Variants in SAP30BP observed in about 807,000 individuals in gnomAD.
SAP30BP encodes SAP30 binding protein, also known as SAP30-binding protein.
SAP30BP carries 31 observed loss-of-function variants against 46.3 expected under a neutral mutation model. The observed-to-expected ratio is 0.67, with a 90% CI of 0.50 to 0.90. The LOEUF (loss-of-function observed/expected upper bound fraction) is 0.90. Ranked by LOEUF, SAP30BP falls within the 40% of genes least tolerant of loss-of-function variation. The pLI, the probability that SAP30BP is intolerant of heterozygous loss-of-function variation, is 0.00. For synonymous variants in SAP30BP, 169 were observed against 144.2 expected (o/e 1.17, Z -1.23); for missense variants, 312 against 391.0 (o/e 0.80, Z 1.70).
At chr17:75,687,225 C>T (rs1200911414) in intron 3 of SAP30BP, among the ~76,000 whole-genome samples, 3 of 152,178 alleles carry the variant, frequency 2.0e-5, no homozygotes, top group Non-Finnish European at 4.4e-5. Flanking sequence ...GTGTATAAAT[C>T]ATGCTCAATA....
intron 8 of SAP30BP, 141 bp downstream of exon 8, chr17:75,704,000 G>T: frequency 1.4e-6 from 1 of 713,148 alleles, no homozygotes; most frequent in Non-Finnish European, 2.5e-6. Flanking sequence ...GTACAGGCCT[G>T]AATGAGACAG....
At chr17:75,677,022 G>A (rs956874564) in intron 3 of SAP30BP, among the ~76,000 whole-genome samples, 3 of 151,168 alleles carry the variant, frequency 2.0e-5, no homozygotes, top group African/African-American at 4.9e-5. Flanking sequence ...TGCCTCTCAT[G>A]TCATTGCCCA....
At chr17:75,700,597 A>T (rs1254855807) in intron 5 of SAP30BP, among the ~76,000 whole-genome samples, 1 of 152,158 alleles carries the variant, frequency 6.6e-6, no homozygotes, top group East Asian at 1.9e-4. Flanking sequence ...TAACGGATGG[A>T]TGACTAATGG....
intron 3 of SAP30BP, among the ~76,000 whole-genome samples, chr17:75,682,463 G>A (rs2060091629): frequency 6.6e-6 from 1 of 152,198 alleles, no homozygotes; most frequent in African/African-American, 2.4e-5. Flanking sequence ...GGGATTACAA[G>A]CGTGAGCTGG....
At chr17:75,676,757 A>C (rs2059996065) in intron 3 of SAP30BP, among the ~76,000 whole-genome samples, 1 of 152,240 alleles carries the variant, frequency 6.6e-6, no homozygotes, top group African/African-American at 2.4e-5. Context: ...GAGAGAGTTC[A>C]CATTCGCATA....
At chr17:75,689,892 T>C (rs986225498) in intron 3 of SAP30BP, among the ~76,000 whole-genome samples, 3 of 152,222 alleles carry the variant, frequency 2.0e-5, no homozygotes, top group Non-Finnish European at 4.4e-5. Context: ...AATCGAGCCT[T>C]TCTTCCGTCT....
At chr17:75,702,634 G>C in intron 6 of SAP30BP, 63 bp downstream of exon 6, 1 of 767,600 alleles carries the variant, frequency 1.3e-6, no homozygotes. Context: ...GGACTAAGAC[G>C]TCCCCAAGGA....
rs979533728 is a variant in SAP30BP, at chr17:75,706,761, C to G, written c.*240C>G. 44 of 549,752 alleles carry G rather than the reference C, an allele frequency of 8.0e-5. No individual in the cohort carries two copies. In the African/African-American group the frequency reaches 8.3e-4, roughly 10 times the overall value. 34.1% of individuals were successfully genotyped at this position (549,752 alleles called of 1,614,324 possible). ...TATTAAAAGTGCCGTATTCTTACCT[C>G]TTGGCATCTCAGATGCACTGGCCTC... On this transcript the variant is annotated 3_prime_UTR_variant, in exon 11 of 11. Transcript: ENST00000584667. The surrounding 1 kb of genome is among the most constrained non-coding windows in gnomAD (Gnocchi z 4.6).
chr17:75,700,590 C>T (rs553046802), intron 5 of SAP30BP, among the ~76,000 whole-genome samples: 8 of 152,298 alleles, frequency 5.3e-5, no homozygotes, highest in Non-Finnish European at 7.3e-5. Flanking sequence ...ACCGCCCTAA[C>T]GGATGGATGA....
At chr17:75,675,614 T>A (rs984071427) in intron 3 of SAP30BP, among the ~76,000 whole-genome samples, 6 of 152,184 alleles carry the variant, frequency 3.9e-5, no homozygotes, top group African/African-American at 1.4e-4. Flanking sequence ...AAATTACTTA[T>A]TTTAAAATAA....
intron 7 of SAP30BP, 58 bp from the exon 8 acceptor site, chr17:75,703,750 C>A (rs1224682640): frequency 6.8e-7 from 1 of 1,477,886 alleles, no homozygotes; most frequent in Admixed American, 1.7e-5. Context: ...AGACTTGGGC[C>A]AGGAACTTGG....
chr17:75,674,738 C>A (rs1448333765), intron 3 of SAP30BP, among the ~76,000 whole-genome samples: 1 of 101,364 alleles, frequency 9.9e-6, no homozygotes, highest in African/African-American at 4.0e-5. Context: ...GGTGGAGTCT[C>A]CTCTGTCGCC....
Position 75,668,583 on chromosome 17 carries a change from A to T in SAP30BP, c.174A>T (p.Glu58Asp). The T allele has an allele frequency of 6.2e-7, 1 of 1,607,696 alleles. No homozygotes were observed. Among genetic ancestry groups the T allele is most frequent in the Non-Finnish European group, 8.5e-7 (1 of 1,177,476 alleles). ...ACTTTTCTCGTCTAGGGGGTGATGA[A>T]GATGGTTATGAAGAAGAAGAAGATG... is the stretch of plus-strand genomic sequence containing the variant. The part of the protein sequence containing the change: ...EDDFSRLGGD[E>D]DGYEEEEDEN... The change falls in exon 2 of 11, where the codon GAA becomes GAT. Residue 58 changes from glutamate to aspartate, a missense_variant. Physicochemically the swap from Glu to Asp is conservative, Grantham distance 45 (BLOSUM62 2). Coordinates refer to ENST00000584667, the MANE Select transcript of SAP30BP (RefSeq NM_013260.8).
At position 75,706,359 on chromosome 17, in the gene SAP30BP, C is replaced by T. The variant is rs897824687; in HGVS notation, c.765C>T (p.Ser255=). Residue 255 remains serine (S), a synonymous_variant, in exon 11 of 11, where the codon AGC becomes AGT. Transcript: ENST00000584667. This position sits in a 1 kb window ranked among gnomAD's most constrained non-coding sequence, Gnocchi z 4.6. ...CTCCAGATGCTCAGAAGAGAAAGAG[C>T]AAGTGGGATTCGGCTATCCCAGTGA... ...TAVADAQKRK[S]KWDSAIPVTT... 1 of 1,613,632 alleles carries T rather than the reference C, an allele frequency of 6.2e-7. No homozygotes were observed. Among genetic ancestry groups the T allele is most frequent in the Non-Finnish European group, 8.5e-7 (1 of 1,179,922 alleles).
chr17:75,683,321 A>G (rs1227268363), intron 3 of SAP30BP, among the ~76,000 whole-genome samples: 1 of 151,864 alleles, frequency 6.6e-6, no homozygotes, highest in Non-Finnish European at 1.5e-5. Context: ...TGCTGGGATT[A>G]CAAGCATGAA....
chr17:75,675,751 T>TA (rs916193001), intron 3 of SAP30BP, among the ~76,000 whole-genome samples: 65 of 151,692 alleles, frequency 4.3e-4, no homozygotes, highest in African/African-American at 1.3e-3. Context: ...CCCATTTCTA[T>TA]AAAAAAAATA....
intron 4 of SAP30BP, 103 bp downstream of exon 4, chr17:75,693,585 G>A: frequency 4.8e-6 from 5 of 1,048,826 alleles, no homozygotes; most frequent in Non-Finnish European, 7.1e-6. Context: ...TCTGTCTGCT[G>A]TGAGCACTGT....
At chr17:75,679,414 A>C (rs1367612172) in intron 3 of SAP30BP, 2 of 152,194 alleles carry the variant, frequency 1.3e-5, no homozygotes, top group East Asian at 1.9e-4. Flanking sequence ...GGCATTATAC[A>C]TAAGCAAAGT....
rs1016379195 is a variant in SAP30BP, at chr17:75,669,361, C to G, written c.216+736C>G. Among the ~76,000 whole-genome samples, 7 of 152,164 alleles carry G rather than the reference C, an allele frequency of 4.6e-5. No individual in the cohort carries two copies. In the East Asian group the frequency reaches 1.3e-3, roughly 29 times the overall value. On this transcript the variant is annotated intron_variant, in intron 2 of 10. Coordinates refer to ENST00000584667, the MANE Select transcript of SAP30BP (RefSeq NM_013260.8). ...CAGGTTCAAGCAATTCTCCTGCCCT[C>G]AGCCTCCTGAGTAGCTGGGATTACA...
Sources: gnomAD v4.1 joint callset for allele counts (sites outside exome capture counted in the v4.1 genomes callset) on GRCh38, gnomAD v4.1.1 for gene constraint, Gnocchi (gnomAD v3.1) non-coding constraint, MANE v1.5 for transcripts, NCBI Gene and HGNC (gene_info 2026-07-23, HGNC 2026-07-21) for gene names.